SYTL3: variants seen among roughly 807,000 people sequenced by gnomAD.
The protein encoded by SYTL3 is synaptotagmin like 3, also known as synaptotagmin-like protein 3.
SYTL3 carries 88 observed loss-of-function variants against 82.1 expected under a neutral mutation model. The observed-to-expected ratio is 1.07, with a 90% confidence interval of 0.90 to 1.28. The LOEUF (loss-of-function observed/expected upper bound fraction) is 1.28. Ranked by LOEUF, SYTL3 falls within the 50% of genes most tolerant of loss-of-function variation. SYTL3 has a pLI of 0.00. For missense variants in SYTL3, 831 were observed against 757.6 expected (o/e 1.10, Z -1.14); for synonymous variants, 311 against 289.4 (o/e 1.07, Z -0.76).
intron 1 of SYTL3, among the ~76,000 whole-genome samples, chr6:158,651,330 C>T (rs761101772): frequency 3.3e-5 from 5 of 152,118 alleles, no homozygotes; most frequent in South Asian, 2.1e-4. Context: ...TGATGGCTCA[C>T]GCCTGTCATC....
chr6:158,660,893 CA>C (rs67747842), intron 2 of SYTL3, among the ~76,000 whole-genome samples: 3,413 of 152,196 alleles, frequency 0.022, 54 homozygotes, highest in Non-Finnish European at 0.035. Flanking sequence ...CCCATCTCTA[CA>C]AAATTAAAAC....
At chr6:158,719,199 A>T in intron 10 of SYTL3, among the ~76,000 whole-genome samples, 1 of 152,144 alleles carries the variant, frequency 6.6e-6, no homozygotes, top group Non-Finnish European at 1.5e-5. Flanking sequence ...GATGTGCTGG[A>T]CTCTGTACTA....
intron 9 of SYTL3, among the ~76,000 whole-genome samples, chr6:158,715,623 A>G (rs1783297311): frequency 7.4e-6 from 1 of 134,358 alleles, no homozygotes. Context: ...ACACGCACGC[A>G]CCCAGCACCC....
At chr6:158,728,208 A>C (rs920106377) in intron 11 of SYTL3, among the ~76,000 whole-genome samples, 5 of 152,128 alleles carry the variant, frequency 3.3e-5, no homozygotes, top group Non-Finnish European at 7.3e-5. Context: ...AAATTTAGAA[A>C]AGTTTAGCTT....
chr6:158,692,161 G>A (rs1167882074), intron 6 of SYTL3, among the ~76,000 whole-genome samples: 3 of 144,600 alleles, frequency 2.1e-5, no homozygotes, highest in Non-Finnish European at 4.5e-5. Flanking sequence ...GGGAGGCTGA[G>A]GCAGGAGAAT....
At chr6:158,649,717 T>C (rs528594343), upstream of SYTL3, among the ~76,000 whole-genome samples, 1 of 152,356 alleles carries the variant, frequency 6.6e-6, no homozygotes, top group South Asian at 2.1e-4. Context: ...CTGAAGTCAA[T>C]GTGAAACCCT....
intron 11 of SYTL3, chr6:158,726,860 T>C (rs1784787611): frequency 6.6e-6 from 1 of 152,518 alleles, no homozygotes; most frequent in Non-Finnish European, 1.5e-5. Flanking sequence ...CTTTTTTTTT[T>C]TTTTTTTGAG....
At chr6:158,690,122 G>A (rs571901239) in intron 6 of SYTL3, among the ~76,000 whole-genome samples, 2 of 152,346 alleles carry the variant, frequency 1.3e-5, no homozygotes, top group East Asian at 1.9e-4. Flanking sequence ...GCGCTCCAGC[G>A]GGTGCTGTCT....
chr6:158,727,659 G>T (rs765570821), intron 11 of SYTL3, among the ~76,000 whole-genome samples: 1 of 147,082 alleles, frequency 6.8e-6, no homozygotes, highest in Non-Finnish European at 1.5e-5. Flanking sequence ...TCCCATGGCC[G>T]TTCTCATGTG....
intron 11 of SYTL3, among the ~76,000 whole-genome samples, chr6:158,736,207 C>T (rs980451697): frequency 6.6e-6 from 1 of 151,932 alleles, no homozygotes; most frequent in Non-Finnish European, 1.5e-5. Context: ...AAAAATTAGC[C>T]GGGCGTTGTG....
chr6:158,703,154 A>T (rs1446650410), intron 6 of SYTL3, among the ~76,000 whole-genome samples: 3 of 86,432 alleles, frequency 3.5e-5, no homozygotes, highest in Non-Finnish European at 4.9e-5. Context: ...ACTCTGTCTT[A>T]AAAAAAAAAA....
rs182042984 is a variant in SYTL3 at position 158,661,940 on chromosome 6, T to C, written c.-520+555T>C. Among the ~76,000 whole-genome samples the C allele has an allele frequency of 2.0e-5, 3 of 152,326 alleles. No individual in the cohort carries two copies. The East Asian group carries it at 5.8e-4, about 29-fold the overall frequency. On this transcript the variant is annotated intron_variant, in intron 3 of 17. Coordinates refer to ENST00000611299, the MANE Select transcript of SYTL3 (RefSeq NM_001242394.2). Reference sequence around the variant, plus strand: ...ACAATTTTTAAATATTTCAGTATAATCAATTTCTTCCTATGTAACACAGCA... The same window carrying C: ...ACAATTTTTAAATATTTCAGTATAACCAATTTCTTCCTATGTAACACAGCA...
chr6:158,663,064 T>A lies in SYTL3; in HGVS notation c.-205T>A, dbSNP rs1232992547. On this transcript the variant is annotated 5_prime_UTR_variant, in exon 4 of 18. Transcript: ENST00000611299. ...CCGTAACTCCGACAAACGCAGAACT[T>A]CTTGAGGCTTTCTTCTTCTAAGGAG... 2.1e-6 allele frequency: 1 copy of A among 473,928 alleles called. No individual in the cohort carries two copies. Among genetic ancestry groups the A allele is most frequent in the East Asian group, 3.5e-5 (1 of 28,754 alleles). The allele number at this position is 473,928 out of a possible 1,614,324, so 29.4% of individuals were successfully genotyped here. A position where few individuals can be genotyped will look rare whatever the true frequency, so the allele number is the denominator to read the frequency against.
chr6:158,754,652 G>A (rs1264176275), intron 13 of SYTL3, among the ~76,000 whole-genome samples: 2 of 152,230 alleles, frequency 1.3e-5, no homozygotes, highest in Non-Finnish European at 1.5e-5. Context: ...CCTGGAAGGC[G>A]GAGCTTGCAG....
intron 6 of SYTL3, among the ~76,000 whole-genome samples, chr6:158,704,429 C>T (rs1395954985): frequency 6.6e-6 from 1 of 152,202 alleles, no homozygotes; most frequent in African/African-American, 2.4e-5. Context: ...GCAGCGGGGA[C>T]GCGGGGGATT....
intron 11 of SYTL3, among the ~76,000 whole-genome samples, chr6:158,740,162 A>C (rs1786750495): frequency 6.6e-6 from 1 of 151,660 alleles, no homozygotes; most frequent in African/African-American, 2.4e-5. Context: ...ACACCAGGCT[A>C]ATTTTTGTAT....
intron 1 of SYTL3, among the ~76,000 whole-genome samples, chr6:158,651,347 C>T (rs992449945): frequency 6.6e-6 from 1 of 152,104 alleles, no homozygotes; most frequent in Admixed American, 6.6e-5. Flanking sequence ...CATCTCAGCA[C>T]TTTGGGAGGC....
At chr6:158,648,150 A>G (rs1049823309), upstream of SYTL3, among the ~76,000 whole-genome samples, 9 of 152,110 alleles carry the variant, frequency 5.9e-5, no homozygotes, top group Admixed American at 3.3e-4. Context: ...AAAATTAGCC[A>G]GGCATGGTGG....
chr6:158,761,934 A>G, intron 15 of SYTL3, 142 bp from the exon 16 acceptor site: 1 of 620,152 alleles, frequency 1.6e-6, no homozygotes, highest in South Asian at 2.0e-5. Context: ...AGCAGAGCCC[A>G]CTGCACCACT....
Sources: allele counts gnomAD v4.1 joint callset (sites outside exome capture counted in the v4.1 genomes callset), GRCh38; gene constraint gnomAD v4.1.1; transcripts MANE v1.5; gene names NCBI Gene and HGNC (gene_info 2026-07-23, HGNC 2026-07-21).